Variants in ATP6V1C1 observed in about 807,000 individuals in gnomAD.
ATP6V1C1 encodes V-type proton ATPase subunit C 1.
ATP6V1C1 carries 45 observed loss-of-function variants against 53.9 expected under a neutral mutation model. The ratio of observed to expected loss-of-function variants is 0.83; its 90% CI spans 0.66 to 1.07. ATP6V1C1 has a LOEUF of 1.07. Among genes scored for constraint, ATP6V1C1 ranks in the 50% least tolerant of loss-of-function variants. The pLI, the probability that ATP6V1C1 is intolerant of heterozygous loss-of-function variation, is 0.00. For missense variants in ATP6V1C1, 315 were observed against 440.3 expected, an observed-to-expected ratio of 0.72 and a Z score of 2.55; for synonymous variants, 153 against 155.2, an observed-to-expected ratio of 0.99 and a Z score of 0.11.
intron 1 of ATP6V1C1, among the ~76,000 whole-genome samples, chr8:103,035,771 C>A (rs939645083): frequency 6.6e-6 from 1 of 152,174 alleles, no homozygotes; most frequent in Non-Finnish European, 1.5e-5. Context: ...TTAACTGTTG[C>A]AGGACTCCAA....
At chr8:103,054,408 A>G (rs1306774989) in intron 7 of ATP6V1C1, among the ~76,000 whole-genome samples, 1 of 152,070 alleles carries the variant, frequency 6.6e-6, no homozygotes, top group African/African-American at 2.4e-5. Flanking sequence ...TTTTTTCTAT[A>G]AAGGGCTAGA....
At chr8:103,052,670 G>A in intron 5 of ATP6V1C1, 61 bp from the exon 6 acceptor site, 1 of 954,836 alleles carries the variant, frequency 1.0e-6, no homozygotes, top group Non-Finnish European at 1.5e-6. Flanking sequence ...TACTTTGATA[G>A]TATTAGTAGA....
intron 8 of ATP6V1C1, among the ~76,000 whole-genome samples, chr8:103,058,028 C>G (rs1199621471): frequency 6.6e-6 from 1 of 152,164 alleles, no homozygotes; most frequent in Non-Finnish European, 1.5e-5. Flanking sequence ...GTGGTGCACC[C>G]AGAATGTCCT....
At chr8:103,049,079 A>C in intron 4 of ATP6V1C1, 124 bp downstream of exon 4, 1 of 809,340 alleles carries the variant, frequency 1.2e-6, no homozygotes, top group Non-Finnish European at 1.9e-6. Context: ...AAAGCCATTA[A>C]AATACAATTA....
chr8:103,025,885 A>C (rs1816685764), intron 1 of ATP6V1C1, among the ~76,000 whole-genome samples: 1 of 152,244 alleles, frequency 6.6e-6, no homozygotes, highest in South Asian at 2.1e-4. Context: ...TAAAGTCTTT[A>C]AGTTGGTGAA....
chr8:103,047,321 C>T (rs1228270046), intron 3 of ATP6V1C1, among the ~76,000 whole-genome samples: 4 of 150,830 alleles, frequency 2.7e-5, no homozygotes, highest in Non-Finnish European at 5.9e-5. Context: ...GCAAGAGGAT[C>T]GCTTGAGCCC....
intron 1 of ATP6V1C1, among the ~76,000 whole-genome samples, chr8:103,036,760 A>T (rs2515196): frequency 0.038 from 5,743 of 152,268 alleles, 119 homozygotes; most frequent in East Asian, 0.046. Flanking sequence ...TATGATAGTG[A>T]CATCTACTGT....
intron 7 of ATP6V1C1, among the ~76,000 whole-genome samples, chr8:103,055,223 TAC>T (rs1017589741): frequency 9.8e-5 from 15 of 152,310 alleles, no homozygotes; most frequent in Admixed American, 7.8e-4. Context: ...CAGAAATTTT[TAC>T]AGTTTTCTGT....
Position 103,072,449 on chromosome 8 carries a change from T to C in ATP6V1C1, c.*3702T>C, listed in dbSNP as rs182189488. On this transcript the variant is annotated 3_prime_UTR_variant, in exon 13 of 13. Coordinates refer to ENST00000518738, the MANE Select transcript of ATP6V1C1 (RefSeq NM_001695.5). ...TTGCCTGCCTTTATAAAAAATGTGA[T>C]TATCTTCTTCTGTTAATGTCAATAA... The C allele has an allele frequency of 6.6e-6, 1 of 152,330 alleles. No homozygotes were observed. Among genetic ancestry groups the C allele is most frequent in the Admixed American group, 6.5e-5 (1 of 15,306 alleles). 9.4% of individuals were successfully genotyped at this position (152,330 alleles called of 1,614,324 possible).
chr8:103,030,465 A>G (rs1206155314), intron 1 of ATP6V1C1, among the ~76,000 whole-genome samples: 1 of 152,190 alleles, frequency 6.6e-6, no homozygotes. Flanking sequence ...AACTGGTACC[A>G]TATTTGCTTT....
chr8:103,042,454 TATC>T (rs760073408), intron 3 of ATP6V1C1, 47 bp downstream of exon 3: 9 of 1,567,314 alleles, frequency 5.7e-6, no homozygotes, highest in South Asian at 1.1e-5. Context: ...GAGACACTAT[TATC>T]AGGCTTCATG....
At chr8:103,040,425 A>AG (rs1023948628) in intron 1 of ATP6V1C1, among the ~76,000 whole-genome samples, 3 of 152,198 alleles carry the variant, frequency 2.0e-5, no homozygotes, top group East Asian at 1.9e-4. Flanking sequence ...AAAAAAAAAA[A>AG]AAGTTTAAGA....
At position 103,066,433 on chromosome 8, in the gene ATP6V1C1, G is replaced by T; in HGVS notation, c.1039G>T (p.Ala347Ser). 1 of 1,601,702 alleles carries T rather than the reference G, an allele frequency of 6.2e-7. No homozygotes were observed. The highest frequency in any genetic ancestry group is 8.5e-7 in the Non-Finnish European group (1 of 1,176,630). The stretch of plus-strand genomic sequence containing the variant: ...GTATAAACATCTAGACAGCAGTGCA[G>T]CAGCTATTATTGATGTAAGTACTTA... ...ELYKHLDSSA[A>S]AIIDAPMDIP... Residue 347 changes from alanine to serine, a missense_variant, in exon 12 of 13, where the codon GCA becomes TCA. Physicochemically the swap from Ala to Ser is moderately conservative, Grantham distance 99 (BLOSUM62 1). Transcript: ENST00000518738.
rs945692272 is a variant in ATP6V1C1 at position 103,053,765 on chromosome 8, T to C, written c.474-119T>C. On this transcript the variant is annotated intron_variant, in intron 6 of 12. Coordinates refer to ENST00000518738, the MANE Select transcript of ATP6V1C1 (RefSeq NM_001695.5). ...CTTCTTACAAAGTAAAAATGTTGAC[T>C]AAGACTAATCCCTCTCAATGTATAT... 2.2e-5 allele frequency: 15 copies of C among 692,158 alleles called. No homozygotes were observed. The African/African-American group carries it at 2.5e-4, about 11-fold the overall frequency. The allele number at this position is 692,158 out of a possible 1,614,324, so 42.9% of individuals were successfully genotyped here.
chr8:103,024,889 G>T (rs1432886631), intron 1 of ATP6V1C1, among the ~76,000 whole-genome samples: 3 of 152,018 alleles, frequency 2.0e-5, no homozygotes, highest in Non-Finnish European at 2.9e-5. Context: ...TGCGTTTATT[G>T]AGTTAAAAAA....
At chr8:103,021,497 ATCTT>A (rs1816586975) in intron 1 of ATP6V1C1, 2 of 152,596 alleles carry the variant, frequency 1.3e-5, no homozygotes, top group South Asian at 2.1e-4. Context: ...GCGGTCTGGG[ATCTT>A]TCTTCTTGGG....
At chr8:103,056,059 A>G (rs111843965) in intron 8 of ATP6V1C1, 123 bp downstream of exon 8, 24 of 846,462 alleles carry the variant, frequency 2.8e-5, no homozygotes, top group African/African-American at 5.2e-5. Flanking sequence ...AGTGAGTTCT[A>G]TGAACTCTAG....
At chr8:103,043,470 C>G (rs1490627414) in intron 3 of ATP6V1C1, among the ~76,000 whole-genome samples, 1 of 151,336 alleles carries the variant, frequency 6.6e-6, no homozygotes, top group Non-Finnish European at 1.5e-5. Context: ...TTACAGGCAC[C>G]CACCACCACG....
chr8:103,047,977 A>G lies in ATP6V1C1; in HGVS notation c.201-893A>G, dbSNP rs186253620. Among the ~76,000 whole-genome samples the G allele has an allele frequency of 2.5e-3, 378 of 152,312 alleles. 2 individuals carry two copies. Among genetic ancestry groups the G allele is most frequent in the African/African-American group, 8.5e-3 (354 of 41,568 alleles). ...ATTTATATATTTTTGGATCTTTCCA[A>G]TGAGATTTTAAGCAATGTGTGAAGG... On this transcript the variant is annotated intron_variant, in intron 3 of 12. Coordinates refer to ENST00000518738, the MANE Select transcript of ATP6V1C1 (RefSeq NM_001695.5).
Sources: allele counts gnomAD v4.1 joint callset (sites outside exome capture counted in the v4.1 genomes callset), GRCh38; gene constraint gnomAD v4.1.1; transcripts MANE v1.5; gene names NCBI Gene and HGNC (gene_info 2026-07-23, HGNC 2026-07-21).